Variants in SLC16A10 observed in about 807,000 individuals in gnomAD.
The protein encoded by SLC16A10 is solute carrier family 16 member 10.
SLC16A10 carries 27 observed loss-of-function variants against 40.0 expected under a neutral mutation model. That is an observed-to-expected ratio of 0.67 (90% CI 0.50 to 0.93). The LOEUF (loss-of-function observed/expected upper bound fraction) is 0.93, where lower values mean the gene tolerates loss of function less well. SLC16A10 is among the 40% of genes least tolerant of loss of function. The pLI, the probability that SLC16A10 is intolerant of heterozygous loss-of-function variation, is 0.00. For missense variants in SLC16A10, 529 were observed against 658.2 expected (o/e 0.80, Z 2.15); for synonymous variants, 213 against 249.8 (o/e 0.85, Z 1.39).
chr6:111,147,532 A>G (rs963460447), intron 1 of SLC16A10, among the ~76,000 whole-genome samples: 5 of 152,230 alleles, frequency 3.3e-5, no homozygotes, highest in African/African-American at 9.6e-5. Context: ...ACTAAGAACT[A>G]TGAATTGGAA....
intron 1 of SLC16A10, among the ~76,000 whole-genome samples, chr6:111,100,842 A>G (rs775609132): frequency 9.9e-5 from 15 of 151,912 alleles, no homozygotes; most frequent in Admixed American, 9.2e-4. Flanking sequence ...ATGTATGCAT[A>G]TATACATACA....
At chr6:111,116,486 G>A (rs548769302) in intron 1 of SLC16A10, among the ~76,000 whole-genome samples, 1 of 152,184 alleles carries the variant, frequency 6.6e-6, no homozygotes, top group South Asian at 2.1e-4. Flanking sequence ...CCAAAGTGCT[G>A]GGATTACAGG....
At chr6:111,108,719 A>G (rs1034768776) in intron 1 of SLC16A10, among the ~76,000 whole-genome samples, 1 of 152,174 alleles carries the variant, frequency 6.6e-6, no homozygotes, top group African/African-American at 2.4e-5. Flanking sequence ...GTTTCCATTC[A>G]GGAGGTTCTC....
intron 1 of SLC16A10, among the ~76,000 whole-genome samples, chr6:111,101,187 C>G (rs1043532595): frequency 6.6e-6 from 1 of 151,654 alleles, no homozygotes; most frequent in Admixed American, 6.6e-5. Context: ...CATGCCGCTA[C>G]ACGTAACTAA....
chr6:111,197,386 T>C (rs1379533310), intron 3 of SLC16A10, among the ~76,000 whole-genome samples: 1 of 152,178 alleles, frequency 6.6e-6, no homozygotes, highest in African/African-American at 2.4e-5. Context: ...TCTTTGTTTC[T>C]TTCAAAAATC....
At chr6:111,212,366 C>G (rs1426449843) in intron 4 of SLC16A10, among the ~76,000 whole-genome samples, 1 of 152,172 alleles carries the variant, frequency 6.6e-6, no homozygotes, top group African/African-American at 2.4e-5. Flanking sequence ...AGACTAGGGT[C>G]TAATCCTGAA....
At position 111,205,925 on chromosome 6, in the gene SLC16A10, C is replaced by G. The variant is rs576674601; in HGVS notation, c.943-667C>G. On this transcript the variant is annotated intron_variant, in intron 3 of 5. Coordinates refer to ENST00000368851, the MANE Select transcript of SLC16A10 (RefSeq NM_018593.5). ...ACTCCAGAATTGACCCTTGAACTGT[C>G]TCTTAGGGAGCAGATAATGTAACGG... Among the ~76,000 whole-genome samples, 37 of 152,288 alleles carry G rather than the reference C, an allele frequency of 2.4e-4. 1 individual carries two copies. The highest frequency in any genetic ancestry group is 8.7e-4 in the African/African-American group (36 of 41,550).
At chr6:111,161,842 CCAAA>C (rs141016746) in intron 1 of SLC16A10, among the ~76,000 whole-genome samples, 3,707 of 152,116 alleles carry the variant, frequency 0.024, 130 homozygotes, top group African/African-American at 0.085. Context: ...TCTTATTTTC[CCAAA>C]CAAAGAAACC....
chr6:111,101,965 T>C (rs887281263), intron 1 of SLC16A10, among the ~76,000 whole-genome samples: 2 of 152,238 alleles, frequency 1.3e-5, no homozygotes, highest in Non-Finnish European at 1.5e-5. Flanking sequence ...TTTTCTGTTT[T>C]TCAGTAAACG....
intron 1 of SLC16A10, among the ~76,000 whole-genome samples, chr6:111,134,391 T>C (rs1771840010): frequency 6.6e-6 from 1 of 152,180 alleles, no homozygotes; most frequent in Non-Finnish European, 1.5e-5. Context: ...GAAGGCCAAC[T>C]AATCTTAAAG....
At chr6:111,148,343 T>C (rs1203289581) in intron 1 of SLC16A10, among the ~76,000 whole-genome samples, 1 of 152,226 alleles carries the variant, frequency 6.6e-6, no homozygotes, top group African/African-American at 2.4e-5. Context: ...GCAGGTTTAA[T>C]GTTCTTTCTT....
chr6:111,146,329 A>C (rs539333575), intron 1 of SLC16A10, among the ~76,000 whole-genome samples: 1 of 152,224 alleles, frequency 6.6e-6, no homozygotes, highest in Admixed American at 6.5e-5. Flanking sequence ...TAGAACCCTC[A>C]TACACTGTGG....
chr6:111,208,279 G>T (rs1340083891), intron 4 of SLC16A10, among the ~76,000 whole-genome samples: 1 of 152,046 alleles, frequency 6.6e-6, no homozygotes, highest in Admixed American at 6.6e-5. Flanking sequence ...CCCAGCCTGA[G>T]TTGTGTTTTA....
chr6:111,097,616 G>A (rs1196345534), intron 1 of SLC16A10, among the ~76,000 whole-genome samples: 1 of 151,964 alleles, frequency 6.6e-6, no homozygotes, highest in African/African-American at 2.4e-5. Context: ...GCCCGGCCAA[G>A]CTTTACTTTT....
chr6:111,169,242 T>A (rs1772538054), intron 1 of SLC16A10, among the ~76,000 whole-genome samples: 2 of 152,188 alleles, frequency 1.3e-5, no homozygotes, highest in Admixed American at 1.3e-4. Flanking sequence ...AGCCTGGAGT[T>A]TGACTCCTGT....
intron 3 of SLC16A10, among the ~76,000 whole-genome samples, chr6:111,196,975 G>T (rs1773089905): frequency 6.6e-6 from 1 of 152,114 alleles, no homozygotes; most frequent in Non-Finnish European, 1.5e-5. Flanking sequence ...CTCCACACCA[G>T]AACTCTGAAA....
intron 4 of SLC16A10, among the ~76,000 whole-genome samples, chr6:111,217,894 C>T (rs1174429629): frequency 6.6e-6 from 1 of 152,098 alleles, no homozygotes; most frequent in Non-Finnish European, 1.5e-5. Flanking sequence ...TTTAAATGTC[C>T]ATCTTTCCAT....
intron 1 of SLC16A10, among the ~76,000 whole-genome samples, chr6:111,139,233 A>T (rs1327522943): frequency 1.3e-5 from 2 of 151,486 alleles, no homozygotes; most frequent in African/African-American, 2.4e-5. Context: ...ACATGACCTT[A>T]TTCTTTTTCT....
At chr6:111,143,284 C>G (rs1772016446) in intron 1 of SLC16A10, among the ~76,000 whole-genome samples, 1 of 152,034 alleles carries the variant, frequency 6.6e-6, no homozygotes, top group Non-Finnish European at 1.5e-5. Context: ...CTGTGTTGCC[C>G]AGGCTGGTTT....
Sources: allele counts gnomAD v4.1 joint callset (sites outside exome capture counted in the v4.1 genomes callset), GRCh38; gene constraint gnomAD v4.1.1; transcripts MANE v1.5; gene names NCBI Gene and HGNC (gene_info 2026-07-23, HGNC 2026-07-21).